Variants in CDH13 observed in about 807,000 individuals in gnomAD.
CDH13 encodes the protein cadherin 13, also known as cadherin-13.
A neutral mutation model predicts 63.8 loss-of-function variants in CDH13; 24 were observed. The observed-to-expected ratio is 0.38, with a 90% CI of 0.27 to 0.53. The LOEUF is 0.53. Ranked by LOEUF, CDH13 falls within the 20% of genes least tolerant of loss-of-function variation. The pLI, the probability that CDH13 is intolerant of heterozygous loss-of-function variation, is 0.85. For missense variants in CDH13, 1,049 were observed against 903.1 expected, an observed-to-expected ratio of 1.16 and a Z score of -2.07; for synonymous variants, 503 against 355.3, an observed-to-expected ratio of 1.42 and a Z score of -4.67.
At chr16:83,713,084 A>G (rs1382461583) in intron 10 of CDH13, among the ~76,000 whole-genome samples, 1 of 152,220 alleles carries the variant, frequency 6.6e-6, no homozygotes, top group Non-Finnish European at 1.5e-5. Context: ...TATGGATTAT[A>G]GTTCAAGCCA....
intron 8 of CDH13, among the ~76,000 whole-genome samples, chr16:83,633,008 A>G (rs994728342): frequency 5.9e-5 from 9 of 152,100 alleles, no homozygotes; most frequent in African/African-American, 2.2e-4. Flanking sequence ...GTCTTTTGAC[A>G]TGCTAATGTA....
At chr16:83,269,666 C>T (rs2151844221) in intron 5 of CDH13, among the ~76,000 whole-genome samples, 1 of 152,296 alleles carries the variant, frequency 6.6e-6, no homozygotes, top group East Asian at 1.9e-4. Flanking sequence ...TATCATTTCA[C>T]ACACTGACCA....
intron 4 of CDH13, 142 bp downstream of exon 4, chr16:83,125,643 A>G: frequency 1.8e-6 from 1 of 545,782 alleles, no homozygotes; most frequent in Non-Finnish European, 3.3e-6. Context: ...TAGTCATGAA[A>G]AGAATGTTGG....
chr16:83,688,122 G>A (rs1022200879), intron 10 of CDH13, among the ~76,000 whole-genome samples: 1 of 152,182 alleles, frequency 6.6e-6, no homozygotes, highest in African/African-American at 2.4e-5. Flanking sequence ...GTCTTCCCAT[G>A]ATTCATCAAG....
chr16:82,694,143 C>T (rs898984509), intron 1 of CDH13, among the ~76,000 whole-genome samples: 1 of 152,210 alleles, frequency 6.6e-6, no homozygotes, highest in Non-Finnish European at 1.5e-5. Context: ...AATTTATTCA[C>T]TTGCATATAG....
chr16:83,007,427 T>C (rs1913646841), intron 2 of CDH13, among the ~76,000 whole-genome samples: 1 of 152,218 alleles, frequency 6.6e-6, no homozygotes, highest in African/African-American at 2.4e-5. Flanking sequence ...TATATAACTC[T>C]TCAGGTTTTA....
intron 1 of CDH13, among the ~76,000 whole-genome samples, chr16:82,746,112 A>G (rs971423334): frequency 6.6e-6 from 1 of 151,834 alleles, no homozygotes; most frequent in African/African-American, 2.4e-5. Flanking sequence ...CTATATATAC[A>G]TACATTTTAT....
intron 1 of CDH13, 131 bp downstream of exon 1, chr16:82,627,268 C>T (rs1258359557): frequency 3.9e-6 from 3 of 761,064 alleles, no homozygotes; most frequent in African/African-American, 3.5e-5. Flanking sequence ...GATCGGGGCT[C>T]GGTAGGGAGG....
At chr16:83,386,371 G>C (rs2091675186) in intron 6 of CDH13, among the ~76,000 whole-genome samples, 1 of 152,188 alleles carries the variant, frequency 6.6e-6, no homozygotes. Flanking sequence ...TATTATTAGA[G>C]ACACCTGGTC....
In CDH13 at chr16:83,248,779, G is replaced by A. The variant is rs75162374; in HGVS notation, c.636+31282G>A. 6.9e-3 allele frequency among the ~76,000 whole-genome samples: 1,048 copies of A among 151,898 alleles called. 5 individuals carry two copies. The highest frequency in any genetic ancestry group is 0.011 in the Non-Finnish European group (735 of 67,958). On this transcript the variant is annotated intron_variant, in intron 5 of 13. Coordinates refer to ENST00000567109, the MANE Select transcript of CDH13 (RefSeq NM_001257.5). ...TTCCCTCACAATCTTAACCACACCC[G>A]TAGCTTCACCCATCACTTTCTGCAG...
At chr16:83,613,190 C>T (rs1302801921) in intron 8 of CDH13, among the ~76,000 whole-genome samples, 4 of 152,144 alleles carry the variant, frequency 2.6e-5, no homozygotes, top group South Asian at 4.1e-4. Flanking sequence ...TTGAAAGAAA[C>T]GTGTCTCTTT....
Position 83,000,223 on chromosome 16 carries a change from A to ATTTTTTTTTTTTTTTTTT in CDH13, c.158-31763_158-31746dup, listed in dbSNP as rs746904500. 1.1e-4 allele frequency among the ~76,000 whole-genome samples: 4 copies of ATTTTTTTTTTTTTTTTTT among 36,984 alleles called. 1 individual carries two copies. The highest frequency in any genetic ancestry group is 2.4e-4 in the Non-Finnish European group (4 of 16,800). The allele number at this position is 36,984 out of a possible 152,430, so 24.3% of individuals were successfully genotyped here. A position where few individuals can be genotyped will look rare whatever the true frequency, so the allele number is the denominator to read the frequency against. On this transcript the variant is annotated intron_variant, in intron 2 of 13. Coordinates refer to ENST00000567109, the MANE Select transcript of CDH13 (RefSeq NM_001257.5). ...CTAGGAATATCCACAGGTTTAGCTT[A>ATTTTTTTTTTTTTTTTTT]TTTTTTTTTTTTTTTTTTTTTTTTT...
chr16:82,956,358 T>G (rs946892943), intron 2 of CDH13, among the ~76,000 whole-genome samples: 2 of 134,246 alleles, frequency 1.5e-5, no homozygotes, highest in Non-Finnish European at 3.3e-5. Context: ...TAGTCTTTAA[T>G]ATCTAATTTC....
chr16:82,643,339 A>G (rs1428354101), intron 1 of CDH13, among the ~76,000 whole-genome samples: 2 of 152,190 alleles, frequency 1.3e-5, no homozygotes. Flanking sequence ...CCTGCTGGTG[A>G]TACTCTACTT....
At chr16:83,318,475 C>A (rs184459836) in intron 5 of CDH13, among the ~76,000 whole-genome samples, 2 of 152,158 alleles carry the variant, frequency 1.3e-5, no homozygotes, top group Non-Finnish European at 2.9e-5. Flanking sequence ...CAATCATAAT[C>A]TTCTAAGGTT....
intron 6 of CDH13, among the ~76,000 whole-genome samples, chr16:83,364,028 A>C (rs1226133386): frequency 6.6e-6 from 1 of 152,160 alleles, no homozygotes; most frequent in Non-Finnish European, 1.5e-5. Flanking sequence ...CCTCCAATTT[A>C]GCTAGCTTTC....
chr16:83,131,654 A>T (rs1411162759), intron 4 of CDH13, among the ~76,000 whole-genome samples: 3 of 152,166 alleles, frequency 2.0e-5, no homozygotes, highest in Admixed American at 6.5e-5. Flanking sequence ...GATGTATTTT[A>T]TTCTGTTTTA....
intron 2 of CDH13, among the ~76,000 whole-genome samples, chr16:83,020,422 G>A (rs1915238624): frequency 6.6e-6 from 1 of 152,184 alleles, no homozygotes; most frequent in African/African-American, 2.4e-5. Context: ...CCATCTCCAG[G>A]ATCCCCAAAG....
At chr16:82,968,696 A>C (rs1050098114) in intron 2 of CDH13, among the ~76,000 whole-genome samples, 7 of 152,186 alleles carry the variant, frequency 4.6e-5, no homozygotes, top group African/African-American at 1.7e-4. Flanking sequence ...TCTTCTTGGC[A>C]GCTCTAGAAG....
Sources: allele counts gnomAD v4.1 joint callset (sites outside exome capture counted in the v4.1 genomes callset), GRCh38; gene constraint gnomAD v4.1.1; transcripts MANE v1.5; gene names NCBI Gene and HGNC (gene_info 2026-07-23, HGNC 2026-07-21).